The following SPTAN1 variants were observed in gnomAD, a reference collection of about 807,000 sequenced individuals.
SPTAN1 encodes the protein spectrin alpha chain, non-erythrocytic 1.
In SPTAN1, 61 loss-of-function variants were observed where a neutral mutation model predicts 331.3. The ratio of observed to expected loss-of-function variants is 0.18; its 90% confidence interval spans 0.15 to 0.23. The LOEUF is 0.23. SPTAN1 is among the 10% of genes least tolerant of loss of function. SPTAN1 has a pLI of 1.00. For missense variants in SPTAN1, 2,043 were observed against 3,147.9 expected (o/e 0.65, Z 8.40); for synonymous variants, 1,153 against 1,173.9 (o/e 0.98, Z 0.36).
chr9:128,592,772 A>G (rs949185191), intron 22 of SPTAN1, among the ~76,000 whole-genome samples: 2 of 152,200 alleles, frequency 1.3e-5, no homozygotes, highest in Non-Finnish European at 2.9e-5. Flanking sequence ...CGCCAGGAAA[A>G]TGAAGGTGAA....
rs1451957165 is a variant in SPTAN1, at chr9:128,615,618, G to A, written c.5149-14G>A. On this transcript the variant is annotated splice_polypyrimidine_tract_variant and intron_variant, in intron 40 of 56. Transcript: ENST00000372739. ...GAGACCCAGTTTCTGACCCTCTTATGTCCCCTGCCCCAGGATCGCCTGAAG... is the reference window on the plus strand; with the variant it reads ...GAGACCCAGTTTCTGACCCTCTTATATCCCCTGCCCCAGGATCGCCTGAAG... 1.2e-6 allele frequency: 2 copies of A among 1,613,502 alleles called. No homozygotes were observed. The highest frequency in any genetic ancestry group is 2.7e-5 in the African/African-American group (2 of 74,874).
rs1285764786 is a variant in SPTAN1, at chr9:128,632,854, C to T, written c.7207C>T (p.Arg2403Cys). 3.7e-6 allele frequency: 6 copies of T among 1,614,098 alleles called. No individual in the cohort carries two copies. The highest frequency in any genetic ancestry group is 4.5e-5 in the East Asian group (2 of 44,882). Residue 2403 changes from arginine to cysteine, a missense_variant, in exon 56 of 57, where the codon CGC (arginine) becomes TGC (cysteine). By Grantham distance (180) the Arg-to-Cys change is radical (BLOSUM62 -3). This residue lies in a region of SPTAN1 where 9 missense variants were observed against 35.8 expected (regional missense o/e 0.25). Coordinates refer to ENST00000372739, the MANE Select transcript of SPTAN1 (RefSeq NM_001130438.3). ...AGAATACATGGCTTTCATGATCAGC[C>T]GCGAAACTGAGAACGTCAAGTCCAG... is the stretch of plus-strand genomic sequence containing the variant. The part of the protein sequence containing the change: ...LQEYMAFMIS[R>C]ETENVKSSEE...
At chr9:128,563,003 T>TATATATATATATAC (rs1849591830) in intron 1 of SPTAN1, among the ~76,000 whole-genome samples, 1 of 111,786 alleles carries the variant, frequency 8.9e-6, no homozygotes, top group East Asian at 3.0e-4. Flanking sequence ...TATATATATA[T>TATATATATATATAC]ATATATATAT....
chr9:128,624,814 C>T (rs1858486400), intron 46 of SPTAN1: 1 of 570,038 alleles, frequency 1.8e-6, no homozygotes, highest in Admixed American at 3.0e-5. Flanking sequence ...GGGGCGCCAC[C>T]CAGCTCCTGG....
chr9:128,605,988 A>G (rs1389566516), intron 31 of SPTAN1, among the ~76,000 whole-genome samples: 6 of 80,476 alleles, frequency 7.5e-5, no homozygotes, highest in Non-Finnish European at 2.3e-4. Flanking sequence ...GTGAAACTCC[A>G]TCTCAAAAAA....
chr9:128,602,092 G>T, intron 27 of SPTAN1, among the ~76,000 whole-genome samples: 1 of 151,580 alleles, frequency 6.6e-6, no homozygotes, highest in East Asian at 1.9e-4. Flanking sequence ...GGAGACAGTG[G>T]GTCCACCTTC....
Position 128,632,246 on chromosome 9 carries a change from C to G in SPTAN1, c.6882C>G (p.Gly2294=). ...AGTACACGGAGCACAGCACCGTGGG[C>G]CTCGCCCAGCAGTGGGACCAGCTGG... ...DNKYTEHSTV[G]LAQQWDQLDQ... Residue 2294 remains glycine, a synonymous_variant, in exon 53 of 57, where the codon GGC becomes GGG. Transcript: ENST00000372739. 4 of 1,613,476 alleles carry G rather than the reference C, an allele frequency of 2.5e-6. No homozygotes were observed. Among genetic ancestry groups the G allele is most frequent in the Non-Finnish European group, 3.4e-6 (4 of 1,180,014 alleles).
Position 128,591,476 on chromosome 9 carries a change from G to C in SPTAN1, c.3007-1G>C, listed in dbSNP as rs1853516599. 6.2e-7 allele frequency: 1 copy of C among 1,613,818 alleles called. No homozygotes were observed. ...TTCAGTTCTCCCTCTTTTTTCCTTA[G>C]GATTGGTGGAAAGTGGAAGTGAACG... On this transcript the variant is annotated splice_acceptor_variant, in intron 21 of 56. Coordinates refer to ENST00000372739, the MANE Select transcript of SPTAN1 (RefSeq NM_001130438.3). LOFTEE classifies it high-confidence loss of function.
At chr9:128,604,798 G>A (rs1237296129) in intron 29 of SPTAN1, among the ~76,000 whole-genome samples, 1 of 152,168 alleles carries the variant, frequency 6.6e-6, no homozygotes. Context: ...GGGCATGGTG[G>A]TGGGCGCCTG....
intron 34 of SPTAN1, among the ~76,000 whole-genome samples, 164 bp downstream of exon 34, chr9:128,608,440 G>C (rs1333751171): frequency 1.3e-5 from 2 of 152,058 alleles, no homozygotes; most frequent in Non-Finnish European, 2.9e-5. Context: ...GTATTTCTGA[G>C]ATTTTAATAA....
Position 128,626,622 on chromosome 9 carries a change from C to T in SPTAN1, c.6511C>T (p.Pro2171Ser). The T allele has an allele frequency of 6.2e-7, 1 of 1,613,802 alleles. No homozygotes were observed. The highest frequency in any genetic ancestry group is 8.5e-7 in the Non-Finnish European group (1 of 1,179,912). ...QIKSFRVASN[P>S]YTWFTMEALE... ...CAAGAGCTTCCGCGTAGCCTCCAAC[C>T]CCTACACCTGGTTTACCATGGAGGC... is the stretch of plus-strand genomic sequence containing the variant. The change falls in exon 49 of 57, where the codon CCC (proline) becomes TCC (serine). Residue 2171 changes from proline (P) to serine (S), a missense_variant. Physicochemically the swap from Pro to Ser is moderately conservative, Grantham distance 74. Around this residue, in one of 12 missense-constraint regions of SPTAN1, gnomAD observed 256 missense variants for 376.4 expected, o/e 0.68. Transcript: ENST00000372739.
rs547264696 is a variant in SPTAN1, at chr9:128,575,480, T to C, written c.651+135T>C. ...TTTGTAAGCATGTCTGAGAGTTTTG[T>C]TTAGATGTGAGGCACAATACTGATT... is the stretch of plus-strand genomic sequence containing the variant. On this transcript the variant is annotated intron_variant, in intron 5 of 56. Coordinates refer to ENST00000372739, the MANE Select transcript of SPTAN1 (RefSeq NM_001130438.3). The C allele has an allele frequency of 9.7e-5, 97 of 997,478 alleles. 1 individual carries two copies. The South Asian group carries it at 1.2e-3, about 12-fold the overall frequency. The allele number at this position is 997,478 out of a possible 1,614,324, so 61.8% of individuals were successfully genotyped here.
intron 9 of SPTAN1, among the ~76,000 whole-genome samples, 200 bp from the exon 10 acceptor site, chr9:128,579,437 A>T (rs979438389): frequency 6.6e-6 from 1 of 152,254 alleles, no homozygotes; most frequent in African/African-American, 2.4e-5. Context: ...CCATTTGGAA[A>T]GGATTTCATC....
chr9:128,611,249 T>C (rs1014343200), intron 37 of SPTAN1, among the ~76,000 whole-genome samples: 5 of 152,170 alleles, frequency 3.3e-5, no homozygotes, highest in African/African-American at 9.7e-5. Context: ...GTGGCTCGAT[T>C]GCTTGAGCTC....
rs1238590381 is a variant in SPTAN1 at position 128,594,193 on chromosome 9, A to G, written c.3234A>G (p.Glu1078=). 6.2e-7 allele frequency: 1 copy of G among 1,614,116 alleles called. No individual in the cohort carries two copies. Among genetic ancestry groups the G allele is most frequent in the Non-Finnish European group, 8.5e-7 (1 of 1,180,024 alleles). ...CCATCAGATATCATTCTCTGCTGGAACTGGGTGAGAAGCGTAAAGGCATGT... is the reference window on the plus strand; with the variant it reads ...CCATCAGATATCATTCTCTGCTGGAGCTGGGTGAGAAGCGTAAAGGCATGT... ...QVEELYHSLL[E]LGEKRKGMLE... is the part of the protein sequence containing the mutation. Residue 1078 remains glutamate (E), a synonymous_variant, in exon 24 of 57, where the codon GAA becomes GAG. Coordinates refer to ENST00000372739, the MANE Select transcript of SPTAN1 (RefSeq NM_001130438.3).
At chr9:128,586,112 G>GTTTTTTT in intron 19 of SPTAN1, 147 bp downstream of exon 19, 5 of 266,130 alleles carry the variant, frequency 1.9e-5, no homozygotes, top group South Asian at 1.0e-4. Context: ...TTTTCACTTG[G>GTTTTTTT]TTTTTTTTTT....
At chr9:128,630,034 A>C (rs980853844) in intron 51 of SPTAN1, 8 of 542,704 alleles carry the variant, frequency 1.5e-5, no homozygotes, top group Admixed American at 9.2e-5. Flanking sequence ...CCATGGGGGA[A>C]TTTAAACTCC....
At chr9:128,590,047 G>C (rs1051683748) in intron 21 of SPTAN1, among the ~76,000 whole-genome samples, 1 of 152,184 alleles carries the variant, frequency 6.6e-6, no homozygotes, top group Non-Finnish European at 1.5e-5. Context: ...ATTGACAGTG[G>C]TGTTGAAGCA....
In SPTAN1 at chr9:128,583,074, C is replaced by T. The variant is rs571532593; in HGVS notation, c.1807-3C>T. On this transcript the variant is annotated splice_polypyrimidine_tract_variant and splice_region_variant and intron_variant, in intron 14 of 56. Transcript: ENST00000372739. ...AGAAAGAACCCCCTTCTTTTATTCA[C>T]AGGATCCATCCAACCTACAAGGAAA... 5 of 1,614,048 alleles carry T rather than the reference C, an allele frequency of 3.1e-6. No individual in the cohort carries two copies. The Admixed American group carries it at 5.0e-5, about 16-fold the overall frequency.
Sources: allele counts gnomAD v4.1 joint callset (sites outside exome capture counted in the v4.1 genomes callset), GRCh38; gene constraint gnomAD v4.1.1; regional missense constraint gnomAD v4.1.1; transcripts MANE v1.5; gene names NCBI Gene and HGNC (gene_info 2026-07-23, HGNC 2026-07-21).